FSTL4: variants seen among roughly 807,000 people sequenced by gnomAD.
FSTL4 encodes the protein follistatin like 4, also known as follistatin-related protein 4.
A neutral mutation model predicts 78.2 loss-of-function variants in FSTL4; 28 were observed. The observed-to-expected ratio is 0.36, with a 90% CI of 0.27 to 0.49. FSTL4 has a LOEUF of 0.49. FSTL4 is among the 20% of genes least tolerant of loss of function. The probability of loss-of-function intolerance (pLI) is 0.98; values close to 1 mark genes in which losing one functional copy is unlikely to be tolerated. For synonymous variants in FSTL4, 422 were observed against 440.5 expected (o/e 0.96, Z 0.53); for missense variants, 922 against 1,084.9 (o/e 0.85, Z 2.11).
chr5:133,427,183 T>A (rs572885024), intron 3 of FSTL4, among the ~76,000 whole-genome samples: 1 of 152,298 alleles, frequency 6.6e-6, no homozygotes, highest in African/African-American at 2.4e-5. Flanking sequence ...GGCCTCAGTT[T>A]CCACACCTAT....
At chr5:133,730,974 T>A in the FSTL4 span, among the ~76,000 whole-genome samples, 2 of 152,226 alleles carry the variant, frequency 1.3e-5, no homozygotes, top group Non-Finnish European at 2.9e-5. Flanking sequence ...ACTCTGGACC[T>A]GACTAGAACA....
In FSTL4 at chr5:133,290,255, C is replaced by T. The variant is rs571098417; in HGVS notation, c.727+22399G>A. 1.4e-4 allele frequency among the ~76,000 whole-genome samples: 21 copies of T among 152,340 alleles called. No homozygotes were observed. In the South Asian group the frequency reaches 3.9e-3, roughly 29 times the overall value. On this transcript the variant is annotated intron_variant, in intron 6 of 15. Coordinates refer to ENST00000265342, the MANE Select transcript of FSTL4 (RefSeq NM_015082.2). ...CATGATGAGCAGGAGACAGGTGAGA[C>T]TGTTTGCTGCTCTAAGTGAACAGAA...
chr5:133,680,393 G>A, the FSTL4 span, among the ~76,000 whole-genome samples: 1 of 152,118 alleles, frequency 6.6e-6, no homozygotes, highest in Non-Finnish European at 1.5e-5. Context: ...TCCAAACACA[G>A]GATCCTTTCC....
At chr5:133,617,593 A>G in the FSTL4 span, among the ~76,000 whole-genome samples, 1 of 152,210 alleles carries the variant, frequency 6.6e-6, no homozygotes, top group African/African-American at 2.4e-5. Context: ...GAGGCCCAGC[A>G]CACACACAGC....
At chr5:133,775,670 C>G in the FSTL4 span, among the ~76,000 whole-genome samples, 2 of 152,152 alleles carry the variant, frequency 1.3e-5, no homozygotes, top group Admixed American at 6.5e-5. Context: ...GATTGTACAA[C>G]AGGTGACTTA....
intron 15 of FSTL4, among the ~76,000 whole-genome samples, chr5:133,200,072 C>T (rs947740145): frequency 1.4e-4 from 21 of 152,310 alleles, no homozygotes; most frequent in East Asian, 3.9e-4. Context: ...AGGCGAGAGG[C>T]GCTTCAACTG....
chr5:133,340,858 T>A (rs1190624150), intron 4 of FSTL4, among the ~76,000 whole-genome samples: 1 of 151,812 alleles, frequency 6.6e-6, no homozygotes, highest in Non-Finnish European at 1.5e-5. Context: ...AGGAATAAAA[T>A]AATTCACTCA....
chr5:133,298,424 C>A (rs1753458086), intron 6 of FSTL4, among the ~76,000 whole-genome samples: 1 of 152,206 alleles, frequency 6.6e-6, no homozygotes, highest in African/African-American at 2.4e-5. Context: ...GGACTAGTTT[C>A]TTAGTAATCA....
At chr5:133,626,901 T>C in the FSTL4 span, among the ~76,000 whole-genome samples, 2 of 152,124 alleles carry the variant, frequency 1.3e-5, no homozygotes, top group African/African-American at 4.8e-5. Context: ...TTGGATCCTG[T>C]TTGTTGATGG....
At chr5:133,500,577 C>T (rs1170134370) in intron 3 of FSTL4, among the ~76,000 whole-genome samples, 1 of 152,050 alleles carries the variant, frequency 6.6e-6, no homozygotes, top group African/African-American at 2.4e-5. Flanking sequence ...GGTGTCATGT[C>T]ATCTTGGGGG....
At chr5:133,481,539 CAAAAAAAAAAA>C (rs34556142) in intron 3 of FSTL4, among the ~76,000 whole-genome samples, 2 of 65,564 alleles carry the variant, frequency 3.1e-5, no homozygotes, top group Non-Finnish European at 6.2e-5. Context: ...GAGACTGTCT[CAAAAAAAAAAA>C]AAAAAAAAAA....
the FSTL4 span, among the ~76,000 whole-genome samples, chr5:133,679,535 T>G: frequency 1.8e-3 from 268 of 152,214 alleles, no homozygotes; most frequent in Middle Eastern, 0.014. Context: ...TCAGAAGGTG[T>G]GCCCATCACT....
chr5:133,203,073 C>CTCA (rs1750381923), intron 14 of FSTL4, among the ~76,000 whole-genome samples: 1 of 152,358 alleles, frequency 6.6e-6, no homozygotes, highest in South Asian at 2.1e-4. Context: ...TCTGCATATG[C>CTCA]TCATCAGCCT....
In FSTL4 at chr5:133,598,350, G is replaced by A. The variant is rs149109259; in HGVS notation, c.126+5508C>T. Among the ~76,000 whole-genome samples the A allele has an allele frequency of 6.6e-4, 96 of 145,296 alleles. No homozygotes were observed. In the East Asian group the frequency reaches 0.019, roughly 29 times the overall value. ...CCTCAGATTTGCTGCATTAGAATCT[G>A]CATTTTAACAAGATCCCAGACCGTT... On this transcript the variant is annotated intron_variant, in intron 2 of 15. Transcript: ENST00000265342.
At chr5:133,347,709 T>G (rs534210082) in intron 4 of FSTL4, among the ~76,000 whole-genome samples, 5 of 152,196 alleles carry the variant, frequency 3.3e-5, no homozygotes, top group Non-Finnish European at 7.3e-5. Flanking sequence ...TTTCCTTTTC[T>G]TAGTCCTCAA....
intron 7 of FSTL4, among the ~76,000 whole-genome samples, chr5:133,249,037 C>A (rs891202709): frequency 6.6e-6 from 1 of 152,226 alleles, no homozygotes; most frequent in African/African-American, 2.4e-5. Context: ...GTTCTCTCAG[C>A]TGTGGAGCCT....
intron 4 of FSTL4, among the ~76,000 whole-genome samples, chr5:133,322,733 C>T (rs1038306828): frequency 2.0e-5 from 3 of 152,160 alleles, no homozygotes; most frequent in Non-Finnish European, 4.4e-5. Flanking sequence ...CAGTTCTGGA[C>T]CTCCCAAATG....
the FSTL4 span, among the ~76,000 whole-genome samples, chr5:133,629,845 T>A: frequency 7.9e-5 from 12 of 152,182 alleles, no homozygotes; most frequent in Non-Finnish European, 1.5e-4. Context: ...GTTCAATATA[T>A]GCAAATCAAT....
chr5:133,737,013 T>C, the FSTL4 span, among the ~76,000 whole-genome samples: 1 of 152,148 alleles, frequency 6.6e-6, no homozygotes, highest in Non-Finnish European at 1.5e-5. Context: ...CAATGTTAAA[T>C]ACGCACATCA....
Sources: allele counts gnomAD v4.1 joint callset (sites outside exome capture counted in the v4.1 genomes callset), GRCh38; gene constraint gnomAD v4.1.1; transcripts MANE v1.5; gene names NCBI Gene and HGNC (gene_info 2026-07-23, HGNC 2026-07-21).